Variants in HMGA2 observed in about 807,000 individuals in gnomAD.
The protein encoded by HMGA2 is high mobility group AT-hook 2.
Under a neutral mutation model 19.1 loss-of-function variants are expected in HMGA2, and 8 were observed. The observed-to-expected ratio is 0.42, with a 90% confidence interval of 0.25 to 0.76. The LOEUF (loss-of-function observed/expected upper bound fraction) is 0.76, where lower values mean the gene tolerates loss of function less well. HMGA2 is among the 30% of genes least tolerant of loss of function. The pLI is 0.28. For synonymous variants in HMGA2, 60 were observed against 48.8 expected, an observed-to-expected ratio of 1.23 and a Z score of -0.96; for missense variants, 109 against 136.3, an observed-to-expected ratio of 0.80 and a Z score of 1.00.
chr12:65,892,828 A>G (rs2121144039), intron 3 of HMGA2, among the ~76,000 whole-genome samples: 1 of 152,284 alleles, frequency 6.6e-6, no homozygotes, highest in South Asian at 2.1e-4. Context: ...TTTCAACCAA[A>G]TGATGCTGCC....
At chr12:65,846,103 C>T (rs1223377112) in intron 3 of HMGA2, among the ~76,000 whole-genome samples, 1 of 152,218 alleles carries the variant, frequency 6.6e-6, no homozygotes, top group African/African-American at 2.4e-5. Flanking sequence ...CATCCAGGCT[C>T]GCCCCCAACC....
intron 3 of HMGA2, among the ~76,000 whole-genome samples, chr12:65,950,943 T>G (rs1168244228): frequency 6.6e-6 from 1 of 152,210 alleles, no homozygotes; most frequent in Non-Finnish European, 1.5e-5. Flanking sequence ...TTTTTGTTTT[T>G]TTTGAGATAG....
At chr12:65,869,969 G>T (rs2121031373) in intron 3 of HMGA2, among the ~76,000 whole-genome samples, 1 of 151,602 alleles carries the variant, frequency 6.6e-6, no homozygotes, top group South Asian at 2.1e-4. Flanking sequence ...CAGTTTTTCA[G>T]CCCTTCTCAC....
intron 3 of HMGA2, among the ~76,000 whole-genome samples, chr12:65,886,627 G>A (rs1195578397): frequency 6.6e-6 from 1 of 152,148 alleles, no homozygotes; most frequent in Non-Finnish European, 1.5e-5. Context: ...AAAGTGCTGG[G>A]ATTACAGGCA....
chr12:65,858,971 G>A (rs969017885), intron 3 of HMGA2: 1 of 152,174 alleles, frequency 6.6e-6, no homozygotes, highest in Admixed American at 6.5e-5. Context: ...TGACCTTTTG[G>A]AGAAATGTAG....
At chr12:65,864,247 T>TA (rs758710966) in intron 3 of HMGA2, among the ~76,000 whole-genome samples, 10 of 151,768 alleles carry the variant, frequency 6.6e-5, no homozygotes, top group South Asian at 2.1e-4. Flanking sequence ...TCCTAATTCA[T>TA]AAAAAAAACA....
At chr12:65,915,290 T>A in intron 3 of HMGA2, 1 of 1,452,192 alleles carries the variant, frequency 6.9e-7, no homozygotes, top group Non-Finnish European at 9.1e-7. Flanking sequence ...TTCTTATGTT[T>A]CCAACTGAAG....
chr12:65,905,322 T>C (rs758945976), intron 3 of HMGA2, among the ~76,000 whole-genome samples: 3 of 152,172 alleles, frequency 2.0e-5, no homozygotes, highest in Admixed American at 6.5e-5. Context: ...AAATTGAATA[T>C]TGTCTATTTC....
intron 2 of HMGA2, among the ~76,000 whole-genome samples, chr12:65,835,389 G>A (rs1870672588): frequency 6.6e-6 from 1 of 152,038 alleles, no homozygotes; most frequent in African/African-American, 2.4e-5. Flanking sequence ...AAATAATGTG[G>A]GTTTTAAAGA....
intron 3 of HMGA2, among the ~76,000 whole-genome samples, chr12:65,929,168 C>T (rs1480468915): frequency 1.3e-5 from 2 of 152,132 alleles, no homozygotes; most frequent in Non-Finnish European, 2.9e-5. Context: ...TACATAAATA[C>T]TGAGGACTGT....
chr12:65,921,133 A>T (rs1875292656), intron 3 of HMGA2, among the ~76,000 whole-genome samples: 1 of 152,266 alleles, frequency 6.6e-6, no homozygotes, highest in African/African-American at 2.4e-5. Flanking sequence ...GCATTTTGCC[A>T]CTGCCCTAGA....
chr12:65,899,540 C>G (rs1193411781), intron 3 of HMGA2, among the ~76,000 whole-genome samples: 2 of 152,152 alleles, frequency 1.3e-5, no homozygotes, highest in African/African-American at 4.8e-5. Flanking sequence ...GGGTTTGAAT[C>G]AAGTTTATCT....
At chr12:65,844,545 T>A (rs1871154286) in intron 3 of HMGA2, among the ~76,000 whole-genome samples, 2 of 152,222 alleles carry the variant, frequency 1.3e-5, no homozygotes, top group African/African-American at 4.8e-5. Context: ...TATCTAAAAG[T>A]GAAGAATTGA....
chr12:65,850,622 A>G (rs1020361802), intron 3 of HMGA2, among the ~76,000 whole-genome samples: 1 of 152,146 alleles, frequency 6.6e-6, no homozygotes, highest in Non-Finnish European at 1.5e-5. Context: ...ATATTACAAT[A>G]AACATTTAGA....
In HMGA2 at chr12:65,959,592, G is replaced by A. The variant is rs1041473417; in HGVS notation, c.283-3653G>A. On this transcript the variant is annotated intron_variant, in intron 4 of 4. Transcript: ENST00000403681. ...GGCTGGTGCTCATAAAAATGTCACC[G>A]TGCACTTGCACTTTGAAAAGTCCTT... Among the ~76,000 whole-genome samples the A allele has an allele frequency of 5.9e-5, 9 of 152,220 alleles. No individual in the cohort carries two copies. The East Asian group carries it at 1.4e-3, about 23-fold the overall frequency.
chr12:65,842,013 A>G (rs1475647157), intron 3 of HMGA2: 2 of 1,107,864 alleles, frequency 1.8e-6, no homozygotes, highest in African/African-American at 1.7e-5. Flanking sequence ...TTATCCCCCT[A>G]GTTTGAACTG....
intron 3 of HMGA2, among the ~76,000 whole-genome samples, chr12:65,877,368 T>C (rs527278105): frequency 2.0e-5 from 3 of 152,180 alleles, no homozygotes; most frequent in East Asian, 3.9e-4. Context: ...GCTGTTCCTT[T>C]TTGCTAGAAT....
At chr12:65,921,282 C>A (rs776344703) in intron 3 of HMGA2, among the ~76,000 whole-genome samples, 1 of 152,140 alleles carries the variant, frequency 6.6e-6, no homozygotes, top group Non-Finnish European at 1.5e-5. Context: ...TTTTTTGAGA[C>A]GGAGTCTTGC....
chr12:65,850,823 G>A (rs1191128864), intron 3 of HMGA2, among the ~76,000 whole-genome samples: 1 of 152,088 alleles, frequency 6.6e-6, no homozygotes, highest in Non-Finnish European at 1.5e-5. Flanking sequence ...ATCCTTATGT[G>A]TATGAAAAAA....
Sources: gnomAD v4.1 joint callset for allele counts (sites outside exome capture counted in the v4.1 genomes callset) on GRCh38, gnomAD v4.1.1 for gene constraint, MANE v1.5 for transcripts, NCBI Gene and HGNC (gene_info 2026-07-23, HGNC 2026-07-21) for gene names.